MLIP: variants seen among roughly 807,000 people sequenced by gnomAD.
MLIP encodes muscular LMNA interacting protein.
MLIP carries 79 observed loss-of-function variants against 84.8 expected under a neutral mutation model. The ratio of observed to expected loss-of-function variants is 0.93; its 90% CI spans 0.78 to 1.12. The LOEUF (loss-of-function observed/expected upper bound fraction) is 1.12, where lower values mean the gene tolerates loss of function less well. Among genes scored for constraint, MLIP ranks in the 50% most tolerant of loss-of-function variants. MLIP has a pLI of 0.00. For synonymous variants in MLIP, 504 were observed against 463.0 expected (o/e 1.09, Z -1.14); for missense variants, 1,257 against 1,160.6 (o/e 1.08, Z -1.21).
intron 8 of MLIP, among the ~76,000 whole-genome samples, chr6:54,168,133 A>G (rs575759791): frequency 6.6e-6 from 1 of 151,988 alleles, no homozygotes; most frequent in South Asian, 2.1e-4. Context: ...TTATGGAAAG[A>G]TTACTTCCAG....
At chr6:54,196,400 T>C (rs1367677084) in intron 10 of MLIP, among the ~76,000 whole-genome samples, 1 of 152,112 alleles carries the variant, frequency 6.6e-6, no homozygotes, top group South Asian at 2.1e-4. Flanking sequence ...TGAGTTCTCT[T>C]TGTTCGGCCC....
intron 11 of MLIP, chr6:54,217,311 A>G: frequency 1.0e-6 from 1 of 985,398 alleles, no homozygotes; most frequent in Non-Finnish European, 1.2e-6. Flanking sequence ...TCAGATGTGC[A>G]GGCTTTAATA....
At chr6:54,177,091 T>TA (rs1776366422) in intron 9 of MLIP, among the ~76,000 whole-genome samples, 1 of 152,186 alleles carries the variant, frequency 6.6e-6, no homozygotes, top group East Asian at 1.9e-4. Flanking sequence ...CCTCTAACTA[T>TA]AAAAACCCTA....
chr6:54,158,803 C>A (rs953266671), intron 5 of MLIP, among the ~76,000 whole-genome samples: 1 of 152,082 alleles, frequency 6.6e-6, no homozygotes, highest in African/African-American at 2.4e-5. Flanking sequence ...TAAGAGAGAA[C>A]TGGAGTTGCA....
At chr6:54,217,340 G>T (rs2792653) in intron 11 of MLIP, 980,164 of 985,404 alleles carry the variant, frequency 0.99, 487,663 homozygotes, top group East Asian at 1. Flanking sequence ...TCAAAATGCC[G>T]TAAAATGCCC....
At chr6:54,249,408 T>C (rs1782300872) in intron 12 of MLIP, among the ~76,000 whole-genome samples, 1 of 152,014 alleles carries the variant, frequency 6.6e-6, no homozygotes, top group African/African-American at 2.4e-5. Flanking sequence ...TAATAAATGT[T>C]GTAATATATT....
intron 9 of MLIP, among the ~76,000 whole-genome samples, chr6:54,178,869 A>G (rs1317450959): frequency 1.3e-5 from 2 of 152,222 alleles, no homozygotes; most frequent in East Asian, 3.9e-4. Flanking sequence ...TGAAGCATGT[A>G]TAGCTGTTGG....
At chr6:54,049,262 C>T (rs1011585367) in intron 1 of MLIP, among the ~76,000 whole-genome samples, 1 of 152,066 alleles carries the variant, frequency 6.6e-6, no homozygotes, top group African/African-American at 2.4e-5. Flanking sequence ...CTCCTCAGGC[C>T]TTCCAACATA....
At position 54,189,917 on chromosome 6, in the gene MLIP, A is replaced by G. The variant is rs574681580; in HGVS notation, c.2589+3A>G. 6.3e-7 allele frequency: 1 copy of G among 1,597,264 alleles called. No homozygotes were observed. The highest frequency in any genetic ancestry group is 1.3e-5 in the African/African-American group (1 of 74,824). ...CTACAGTATCTGAGAGTCAGCTGGT[A>G]TGTATCTTCTAAGTCACAGATCTAC... On this transcript the variant is annotated splice_donor_region_variant and intron_variant, in intron 10 of 13. Transcript: ENST00000502396.
At chr6:54,058,489 T>A (rs1483662815) in intron 1 of MLIP, among the ~76,000 whole-genome samples, 2 of 152,206 alleles carry the variant, frequency 1.3e-5, no homozygotes, top group Non-Finnish European at 2.9e-5. Flanking sequence ...AGCACTGATG[T>A]GCTCTATGGC....
intron 1 of MLIP, among the ~76,000 whole-genome samples, chr6:54,029,706 A>T (rs1448084548): frequency 6.6e-6 from 1 of 152,188 alleles, no homozygotes; most frequent in East Asian, 1.9e-4. Flanking sequence ...TTGGCATGCC[A>T]GAAATTTTGA....
At chr6:54,084,544 A>T (rs1352691114) in intron 1 of MLIP, among the ~76,000 whole-genome samples, 3 of 152,182 alleles carry the variant, frequency 2.0e-5, no homozygotes, top group African/African-American at 7.2e-5. Flanking sequence ...GAGTGACTTA[A>T]TTGCTTTTCT....
At chr6:54,202,020 T>C in intron 10 of MLIP, 85 bp from the exon 11 acceptor site, 1 of 985,582 alleles carries the variant, frequency 1.0e-6, no homozygotes, top group Non-Finnish European at 1.4e-6. Context: ...GAGAACAGCA[T>C]TGAATGACTT....
rs74681248 is a variant in MLIP, at chr6:54,129,471, T to C, written c.645+4606T>C. Among the ~76,000 whole-genome samples, 306 of 152,240 alleles carry C rather than the reference T, an allele frequency of 2.0e-3. 2 individuals carry two copies. Among genetic ancestry groups the C allele is most frequent in the African/African-American group, 7.0e-3 (292 of 41,558 alleles). On this transcript the variant is annotated intron_variant, in intron 3 of 13. Coordinates refer to ENST00000502396, the MANE Select transcript of MLIP (RefSeq NM_001281747.2). Reference sequence around the variant, plus strand: ...ATGATCTTCTGATATAAATAGAGAATAGACATTACCTAAACCCTCTTAGTG... The same window carrying C: ...ATGATCTTCTGATATAAATAGAGAACAGACATTACCTAAACCCTCTTAGTG...
At chr6:54,110,784 A>G (rs1769392961), upstream of MLIP, among the ~76,000 whole-genome samples, 1 of 152,238 alleles carries the variant, frequency 6.6e-6, no homozygotes, top group African/African-American at 2.4e-5. Flanking sequence ...TCAATTTCAC[A>G]TATGAAGTTT....
chr6:54,143,469 C>CTGTT (rs1415909053), intron 4 of MLIP, among the ~76,000 whole-genome samples: 1 of 152,024 alleles, frequency 6.6e-6, no homozygotes, highest in African/African-American at 2.4e-5. Context: ...GCCCCCCAAA[C>CTGTT]TGTTAGAATT....
intron 12 of MLIP, among the ~76,000 whole-genome samples, chr6:54,231,381 T>C (rs1780987229): frequency 6.6e-6 from 1 of 152,202 alleles, no homozygotes; most frequent in African/African-American, 2.4e-5. Flanking sequence ...CACATTTTAC[T>C]TTAAAATGTA....
chr6:54,082,454 C>T (rs1322047569), intron 1 of MLIP, among the ~76,000 whole-genome samples: 7 of 152,210 alleles, frequency 4.6e-5, no homozygotes, highest in Admixed American at 1.3e-4. Context: ...ATCCAATCAC[C>T]TCCCACCAGG....
Position 54,205,679 on chromosome 6 carries a change from C to T in MLIP, c.2718+3446C>T, listed in dbSNP as rs114971303. Among the ~76,000 whole-genome samples the T allele has an allele frequency of 8.2e-3, 1,249 of 152,226 alleles. 20 individuals carry two copies. The highest frequency in any genetic ancestry group is 0.028 in the African/African-American group (1,166 of 41,530). ...TGAGTTCTAACAGCCAAGTTTGAAA[C>T]CAAATGCATAATCAAGTCATCGAAA... On this transcript the variant is annotated intron_variant, in intron 11 of 13. Transcript: ENST00000502396.
Sources: gnomAD v4.1 joint callset for allele counts (sites outside exome capture counted in the v4.1 genomes callset) on GRCh38, gnomAD v4.1.1 for gene constraint, MANE v1.5 for transcripts, NCBI Gene and HGNC (gene_info 2026-07-23, HGNC 2026-07-21) for gene names.